C5AR1: variants seen among roughly 807,000 people sequenced by gnomAD.
The protein encoded by C5AR1 is C5a anaphylatoxin chemotactic receptor 1.
A neutral mutation model predicts 2.4 loss-of-function variants in C5AR1; 4 were observed. That is an observed-to-expected ratio of 1.65 (90% CI 0.81 to 3.77). The LOEUF is 3.77. Among genes scored for constraint, C5AR1 ranks in the 30% most tolerant of loss-of-function variants. The pLI, the probability that C5AR1 is intolerant of heterozygous loss-of-function variation, is 0.01. For missense variants in C5AR1, 418 were observed against 462.5 expected, an observed-to-expected ratio of 0.90 and a Z score of 0.88; for synonymous variants, 209 against 210.4, an observed-to-expected ratio of 0.99 and a Z score of 0.06.
rs774055842 is a variant in C5AR1 at position 47,320,402 on chromosome 19, C to G, written c.625C>G (p.Leu209Val). ...AGCCGTGGCCATCGTCCGGCTGGTC[C>G]TGGGCTTCCTGTGGCCTCTACTCAC... ...ERAVAIVRLV[L>V]GFLWPLLTLT... is the part of the protein sequence containing the mutation. Residue 209 changes from leucine (L) to valine (V), a missense_variant, in exon 2 of 2, where the codon CTG becomes GTG. Coordinates refer to ENST00000355085, the MANE Select transcript of C5AR1 (RefSeq NM_001736.4). The surrounding 1 kb of genome is among the most constrained non-coding windows in gnomAD (Gnocchi z 4.9). 1.4e-5 allele frequency: 22 copies of G among 1,610,446 alleles called. No homozygotes were observed. Among genetic ancestry groups the G allele is most frequent in the Non-Finnish European group, 2.5e-6 (3 of 1,179,928 alleles).
At chr19:47,314,489 C>T (rs2059279882) in intron 1 of C5AR1, among the ~76,000 whole-genome samples, 1 of 152,066 alleles carries the variant, frequency 6.6e-6, no homozygotes, top group East Asian at 1.9e-4. Context: ...CCTCCACCTC[C>T]CGGGTTCCAG....
intron 1 of C5AR1, among the ~76,000 whole-genome samples, chr19:47,310,148 G>A (rs1361491244): frequency 6.6e-6 from 1 of 152,200 alleles, no homozygotes; most frequent in Non-Finnish European, 1.5e-5. Context: ...ACCTCGTGGG[G>A]CTGGGGCCCG....
rs150946126 is a variant in C5AR1, at chr19:47,320,801, A to G, written c.1024A>G (p.Thr342Ala). 644 of 1,612,800 alleles carry G rather than the reference A, an allele frequency of 4.0e-4. No homozygotes were observed. The highest frequency in any genetic ancestry group is 5.0e-4 in the Non-Finnish European group (586 of 1,178,960). The change falls in exon 2 of 2, where the codon ACT (threonine) becomes GCT (alanine). Residue 342 changes from threonine to alanine, a missense_variant. Transcript: ENST00000355085. This position sits in a 1 kb window ranked among gnomAD's most constrained non-coding sequence, Gnocchi z 4.9. ...SKSFTRSTVD[T>A]MAQKTQAV ...GTCATTCACGCGCTCCACAGTGGAC[A>G]CTATGGCCCAGAAGACCCAGGCAGT...
Position 47,320,578 on chromosome 19 carries a change from C to G in C5AR1, c.801C>G (p.Phe267Leu). The part of the protein sequence containing the change: ...PYQVTGIMMS[F>L]LEPSSPTFLL... ...AGGTGACGGGGATAATGATGTCCTT[C>G]CTGGAGCCATCGTCACCCACCTTCC... Residue 267 changes from phenylalanine to leucine, a missense_variant, in exon 2 of 2, where the codon TTC (phenylalanine) becomes TTG (leucine). By Grantham distance (22) the Phe-to-Leu change is conservative. Coordinates refer to ENST00000355085, the MANE Select transcript of C5AR1 (RefSeq NM_001736.4). The surrounding 1 kb of genome is among the most constrained non-coding windows in gnomAD (Gnocchi z 4.9). 1 of 1,613,998 alleles carries G rather than the reference C, an allele frequency of 6.2e-7. No homozygotes were observed. Among genetic ancestry groups the G allele is most frequent in the Non-Finnish European group, 8.5e-7 (1 of 1,179,992 alleles).
chr19:47,313,698 C>T (rs1216508613), intron 1 of C5AR1, among the ~76,000 whole-genome samples: 3 of 151,440 alleles, frequency 2.0e-5, no homozygotes, highest in Non-Finnish European at 2.9e-5. Context: ...GAGCTGAGAT[C>T]GCGCCACTGC....
At chr19:47,314,735 C>T (rs1478756189) in intron 1 of C5AR1, among the ~76,000 whole-genome samples, 4 of 151,926 alleles carry the variant, frequency 2.6e-5, no homozygotes, top group Non-Finnish European at 4.4e-5. Context: ...GCTATGTTGC[C>T]CAGGCTGGAG....
chr19:47,317,698 C>T (rs887387159), intron 1 of C5AR1, among the ~76,000 whole-genome samples: 3 of 151,256 alleles, frequency 2.0e-5, no homozygotes, highest in African/African-American at 7.3e-5. Flanking sequence ...GGTAGAAAAA[C>T]CAGGCCGGGT....
intron 1 of C5AR1, among the ~76,000 whole-genome samples, chr19:47,314,589 G>C (rs930991369): frequency 6.6e-6 from 1 of 151,834 alleles, no homozygotes; most frequent in African/African-American, 2.4e-5. Context: ...GTAGAGACAG[G>C]GTTTCACCAT....
At chr19:47,309,554 G>A (rs1025636213), upstream of C5AR1, among the ~76,000 whole-genome samples, 4 of 138,904 alleles carry the variant, frequency 2.9e-5, no homozygotes, top group Non-Finnish European at 6.0e-5. Flanking sequence ...CAGCCTGGGC[G>A]ACACAGCAAG....
intron 1 of C5AR1, chr19:47,316,536 G>T (rs1248566136): frequency 2.0e-5 from 3 of 151,800 alleles, no homozygotes; most frequent in African/African-American, 7.3e-5. Flanking sequence ...CGCCTCCCAG[G>T]TTCAAGTGAT....
At chr19:47,311,247 C>T (rs186851048) in intron 1 of C5AR1, among the ~76,000 whole-genome samples, 53 of 152,100 alleles carry the variant, frequency 3.5e-4, no homozygotes, top group African/African-American at 1.1e-3. Context: ...CGCGGTGGCT[C>T]ATGCGTGTAA....
chr19:47,311,140 C>T (rs1167760300), intron 1 of C5AR1, among the ~76,000 whole-genome samples: 3 of 151,874 alleles, frequency 2.0e-5, no homozygotes, highest in Non-Finnish European at 2.9e-5. Context: ...CTTGGGCAAA[C>T]GGGACTCTCT....
At chr19:47,319,304 ATTT>A (rs34731685) in intron 1 of C5AR1, among the ~76,000 whole-genome samples, 1 of 94,136 alleles carries the variant, frequency 1.1e-5, no homozygotes, top group Non-Finnish European at 1.9e-5. Flanking sequence ...GAATCATTTC[ATTT>A]TTTTTTTTTT....
At chr19:47,319,680 A>G in intron 1 of C5AR1, 101 bp from the exon 2 acceptor site, 2 of 741,496 alleles carry the variant, frequency 2.7e-6, no homozygotes, top group Admixed American at 2.3e-5. Flanking sequence ...CTAGTGAGAA[A>G]AAGCCACACA....
At chr19:47,317,192 CAAAAA>C (rs1238972530) in intron 1 of C5AR1, among the ~76,000 whole-genome samples, 1 of 74,138 alleles carries the variant, frequency 1.3e-5, no homozygotes. Flanking sequence ...GACCCCGTCT[CAAAAA>C]AAAAAAAAAA....
intron 1 of C5AR1, among the ~76,000 whole-genome samples, chr19:47,312,608 T>G (rs2059274394): frequency 1.3e-5 from 2 of 152,324 alleles, no homozygotes; most frequent in Non-Finnish European, 2.9e-5. Context: ...ACATATAGTA[T>G]TATTAACTAG....
rs1289847842 is a variant in C5AR1 at position 47,316,959 on chromosome 19, C to T, written c.4-2822C>T. On this transcript the variant is annotated intron_variant, in intron 1 of 1. Transcript: ENST00000355085. ...TTGGGAGTTCAAGGCAGGAGGGTTG[C>T]TTGAAGTTAGGAGTTTGAGACCAGC... Among the ~76,000 whole-genome samples the T allele has an allele frequency of 2.0e-5, 3 of 150,830 alleles. No individual in the cohort carries two copies. In the Admixed American group the frequency reaches 2.0e-4, roughly 10 times the overall value.
intron 1 of C5AR1, among the ~76,000 whole-genome samples, chr19:47,314,328 C>T (rs971507575): frequency 5.9e-5 from 9 of 152,210 alleles, no homozygotes; most frequent in African/African-American, 1.9e-4. Context: ...CCTGCACTGC[C>T]CAATATGTGG....
At chr19:47,311,600 T>C (rs2059270881) in intron 1 of C5AR1, among the ~76,000 whole-genome samples, 1 of 152,116 alleles carries the variant, frequency 6.6e-6, no homozygotes, top group South Asian at 2.1e-4. Context: ...GTTTCACTCT[T>C]GTCGCCCAGG....
Sources: allele counts gnomAD v4.1 joint callset (sites outside exome capture counted in the v4.1 genomes callset), GRCh38; gene constraint gnomAD v4.1.1; non-coding constraint Gnocchi (gnomAD v3.1); transcripts MANE v1.5; gene names NCBI Gene and HGNC (gene_info 2026-07-23, HGNC 2026-07-21).